The following NLE1 variants were observed in gnomAD, a reference collection of about 807,000 sequenced individuals.
NLE1 encodes the protein notchless homolog 1.
NLE1 carries 37 observed loss-of-function variants against 62.8 expected under a neutral mutation model. That is an observed-to-expected ratio of 0.59 (90% CI 0.45 to 0.78). The LOEUF is 0.78. NLE1 is among the 30% of genes least tolerant of loss of function. The pLI, the probability that NLE1 is intolerant of heterozygous loss-of-function variation, is 0.00. For synonymous variants in NLE1, 243 were observed against 253.0 expected, an observed-to-expected ratio of 0.96 and a Z score of 0.37; for missense variants, 555 against 637.9, an observed-to-expected ratio of 0.87 and a Z score of 1.40.
rs200560049 is a variant in NLE1, at chr17:35,135,309, C to A, written c.1154G>T (p.Arg385Leu). 6.2e-7 allele frequency: 1 copy of A among 1,614,044 alleles called. No individual in the cohort carries two copies. The highest frequency in any genetic ancestry group is 1.1e-5 in the South Asian group (1 of 91,094). The change falls in exon 10 of 13, where the codon CGC becomes CTC. Residue 385 changes from arginine to leucine, a missense_variant. Transcript: ENST00000442241. ...INQVLFSPDS[R>L]IVASASFDKS... ...GTCAAAGGAGGCACTAGCCACGATG[C>A]GGGAGTCAGGAGAGAAGAGCACCTG...
rs551160633 is a variant in NLE1, at chr17:35,142,258, C to A, written c.18G>T (p.Pro6=). ...CCCGCCCCCATCCACGCACACCCACCGGCACTGCTGCCGCCATCCTGCGTC... is the reference window on the plus strand; with the variant it reads ...CCCGCCCCCATCCACGCACACCCACAGGCACTGCTGCCGCCATCCTGCGTC... MAAAV[P]DEAVARDVQR... is the part of the protein sequence containing the mutation. Residue 6 remains proline (P), a splice_region_variant and synonymous_variant, in exon 1 of 13, where the codon CCG becomes CCT. Coordinates refer to ENST00000442241, the MANE Select transcript of NLE1 (RefSeq NM_018096.5). The A allele has an allele frequency of 2.6e-5, 41 of 1,548,000 alleles. 1 individual carries two copies. The South Asian group carries it at 4.4e-4, about 16-fold the overall frequency.
chr17:35,135,519 G>T, intron 9 of NLE1, 68 bp from the exon 10 acceptor site: 1 of 1,422,680 alleles, frequency 7.0e-7, no homozygotes, highest in Non-Finnish European at 9.8e-7. Flanking sequence ...CCCGACTTTG[G>T]CAGCAAGCAT....
rs552977245 is a variant in NLE1, at chr17:35,141,930, G to A, written c.162+49C>T. 6 of 1,524,076 alleles carry A rather than the reference G, an allele frequency of 3.9e-6. No individual in the cohort carries two copies. In the Admixed American group the frequency reaches 5.9e-5, roughly 15 times the overall value. The allele number at this position is 1,524,076 out of a possible 1,614,324, so 94.4% of individuals were successfully genotyped here. On this transcript the variant is annotated intron_variant, in intron 2 of 12. Coordinates refer to ENST00000442241, the MANE Select transcript of NLE1 (RefSeq NM_018096.5). ...CCCTCGGTAATATGATTCCCCCACC[G>A]CATCCGCCCGGGGGTGGAGATGCGA...
At chr17:35,137,681 T>C (rs552252542) in intron 5 of NLE1, 41 bp from the exon 6 acceptor site, 8 of 1,565,698 alleles carry the variant, frequency 5.1e-6, no homozygotes, top group Non-Finnish European at 7.0e-6. Context: ...CCCCAACAGG[T>C]CTCTGGCTCC....
Position 35,137,179 on chromosome 17 carries a change from C to T in NLE1, c.650G>A (p.Arg217His), listed in dbSNP as rs776915676. 1.1e-5 allele frequency: 18 copies of T among 1,608,410 alleles called. No homozygotes were observed. The highest frequency in any genetic ancestry group is 1.1e-4 in the African/African-American group (8 of 74,810). ...WEPLHANPEC[R>H]YVASSSKDGS... ...ATCCTTGGAGCTGCTGGCCACATAG[C>T]GGCACTCAGGGTTCCTGGAGAGAAG... The change falls in exon 7 of 13, where the codon CGC becomes CAC. Residue 217 changes from arginine to histidine, a missense_variant. By Grantham distance (29) the Arg-to-His change is conservative. Transcript: ENST00000442241.
chr17:35,135,786 G>T (rs1179939582), intron 9 of NLE1, among the ~76,000 whole-genome samples: 1 of 152,276 alleles, frequency 6.6e-6, no homozygotes, highest in South Asian at 2.1e-4. Flanking sequence ...ATATAGACAC[G>T]TGTCTGTATA....
rs1366742793 is a variant in NLE1 at position 35,130,385 on chromosome 17, CGGA to C, written c.*2049_*2051del. The C allele has an allele frequency of 1.2e-6, 2 of 1,614,120 alleles. No individual in the cohort carries two copies. Among genetic ancestry groups the C allele is most frequent in the Non-Finnish European group, 1.7e-6 (2 of 1,179,990 alleles). ...CGGCAAAAGATCGTGTCCATCGGGC[CGGA>C]GGAGATGCGGAGGCTGGAGGATCTG... On this transcript the variant is annotated 3_prime_UTR_variant, in exon 13 of 13. Transcript: ENST00000442241.
intron 10 of NLE1, among the ~76,000 whole-genome samples, chr17:35,134,524 G>A (rs542198871): frequency 3.3e-5 from 5 of 151,966 alleles, no homozygotes; most frequent in South Asian, 2.1e-4. Context: ...CTCAGCCTCC[G>A]GGGTAACTGG....
At position 35,137,044 on chromosome 17, in the gene NLE1, G is replaced by A. The variant is rs748890187; in HGVS notation, c.785C>T (p.Ser262Phe). 7 of 1,613,826 alleles carry A rather than the reference G, an allele frequency of 4.3e-6. No individual in the cohort carries two copies. In the Admixed American group the frequency reaches 8.3e-5, roughly 19 times the overall value. ...TTTGATGGTGCGGTCCTGGGAGGCAGAGTAGAGAAGCCCGTCCCCTCCCCA... is the reference window on the plus strand; with the variant it reads ...TTTGATGGTGCGGTCCTGGGAGGCAAAGTAGAGAAGCCCGTCCCCTCCCCA... ...LRWGGDGLLY[S>F]ASQDRTIKVW... Residue 262 changes from serine (S) to phenylalanine (F), a missense_variant, in exon 7 of 13, where the codon TCT becomes TTT. Ser to Phe is a radical substitution (Grantham distance 155, BLOSUM62 -2). Coordinates refer to ENST00000442241, the MANE Select transcript of NLE1 (RefSeq NM_018096.5).
chr17:35,138,141 A>G (rs1351592875), intron 4 of NLE1, among the ~76,000 whole-genome samples: 1 of 152,216 alleles, frequency 6.6e-6, no homozygotes, highest in East Asian at 1.9e-4. Flanking sequence ...GTGTTTTTGT[A>G]CATGTCATCC....
chr17:35,129,521 AAGAAT>A lies in NLE1; in HGVS notation c.*2911_*2915del. ...ACAGGAGAATGAGTTGCCCGAGGCA[AAGAAT>A]CGTCCATGGATCTTCAACAAGATTT... On this transcript the variant is annotated 3_prime_UTR_variant, in exon 13 of 13. Transcript: ENST00000442241. The A allele has an allele frequency of 6.2e-7, 1 of 1,614,208 alleles. No individual in the cohort carries two copies. Among genetic ancestry groups the A allele is most frequent in the Non-Finnish European group, 8.5e-7 (1 of 1,180,030 alleles).
chr17:35,130,588 G>A lies in NLE1; in HGVS notation c.*1849C>T, dbSNP rs1299331720. 1 of 790,384 alleles carries A rather than the reference G, an allele frequency of 1.3e-6. No homozygotes were observed. The highest frequency in any genetic ancestry group is 3.0e-5 in the Admixed American group (1 of 33,486). 49.0% of individuals were successfully genotyped at this position (790,384 alleles called of 1,614,324 possible). Reference sequence around the variant, plus strand: ...ACCCCACCCCTGGGCTGGGGCCAAGGCTACATAGGGGCCCCATTCACCTGG... The same window carrying A: ...ACCCCACCCCTGGGCTGGGGCCAAGACTACATAGGGGCCCCATTCACCTGG... On this transcript the variant is annotated 3_prime_UTR_variant, in exon 13 of 13. Transcript: ENST00000442241.
chr17:35,136,367 C>A lies in NLE1; in HGVS notation c.959G>T (p.Gly320Val), dbSNP rs1338429445. The A allele has an allele frequency of 6.8e-6, 11 of 1,613,148 alleles. No homozygotes were observed. The highest frequency in any genetic ancestry group is 8.5e-6 in the Non-Finnish European group (10 of 1,179,258). Residue 320 changes from glycine (G) to valine (V), a missense_variant, in exon 8 of 13, where the codon GGA (glycine) becomes GTA (valine). Physicochemically the swap from Gly to Val is moderately radical, Grantham distance 109. Transcript: ENST00000442241. ...TCCTTCTCCCAATCACTCACAGGATCCTTGGAGGTCTTGGGGATTAACTGA... is the reference window on the plus strand; with the variant it reads ...TCCTTCTCCCAATCACTCACAGGATACTTGGAGGTCTTGGGGATTAACTGA... Reference protein sequence around the residue: ...EASVNPQDLQGSLQELKERAL... With the variant: ...EASVNPQDLQVSLQELKERAL...
rs138789281 is a variant in NLE1, at chr17:35,135,405, A to G, written c.1058T>C (p.Leu353Ser). The stretch of plus-strand genomic sequence containing the variant: ...GTCCTCTGCTGGGGACCACAGGAAT[A>G]AGGTGAAGTCGTCGGAGCCAGACAC... ...RLVSGSDDFT[L>S]FLWSPAEDKK... The change falls in exon 10 of 13, where the codon TTA (leucine) becomes TCA (serine). Residue 353 changes from leucine (L) to serine (S), a missense_variant. Coordinates refer to ENST00000442241, the MANE Select transcript of NLE1 (RefSeq NM_018096.5). 136 of 1,614,082 alleles carry G rather than the reference A, an allele frequency of 8.4e-5. No homozygotes were observed. Among genetic ancestry groups the G allele is most frequent in the Non-Finnish European group, 8.5e-6 (10 of 1,180,048 alleles).
chr17:35,130,647 C>A lies in NLE1; in HGVS notation c.*1790G>T. 1.8e-6 allele frequency: 1 copy of A among 563,628 alleles called. No individual in the cohort carries two copies. Among genetic ancestry groups the A allele is most frequent in the Non-Finnish European group, 3.1e-6 (1 of 318,700 alleles). 34.9% of individuals were successfully genotyped at this position (563,628 alleles called of 1,614,324 possible). A position where few individuals can be genotyped will look rare whatever the true frequency, so the allele number is the denominator to read the frequency against. ...CAGGCCAGGCCATGCCAGGCTCAGC[C>A]ACTGCCCACAGCTGCTAGACTCCCT... On this transcript the variant is annotated 3_prime_UTR_variant, in exon 13 of 13. Coordinates refer to ENST00000442241, the MANE Select transcript of NLE1 (RefSeq NM_018096.5).
At chr17:35,137,310 C>G in intron 6 of NLE1, 117 bp from the exon 7 acceptor site, 1 of 1,022,458 alleles carries the variant, frequency 9.8e-7, no homozygotes, top group Non-Finnish European at 1.4e-6. Context: ...TTTCTGACAC[C>G]AAGACCCGGC....
intron 10 of NLE1, 67 bp downstream of exon 10, chr17:35,135,182 A>T (rs1039759854): frequency 1.4e-5 from 21 of 1,458,122 alleles, no homozygotes; most frequent in African/African-American, 2.8e-5. Flanking sequence ...TACAGCTAGT[A>T]AGTGGCAGTG....
chr17:35,138,401 G>T (rs1350085531), intron 4 of NLE1, among the ~76,000 whole-genome samples: 1 of 152,142 alleles, frequency 6.6e-6, no homozygotes, highest in East Asian at 1.9e-4. Context: ...CTAAACCTCT[G>T]GGGGTGGGGC....
Position 35,130,025 on chromosome 17 carries a change from G to A in NLE1, c.*2412C>T. The A allele has an allele frequency of 1.4e-6, 2 of 1,391,148 alleles. No individual in the cohort carries two copies. Among genetic ancestry groups the A allele is most frequent in the Non-Finnish European group, 1.9e-6 (2 of 1,075,382 alleles). 86.2% of individuals were successfully genotyped at this position (1,391,148 alleles called of 1,614,324 possible). ...CTAAAGGGGGACGAAGAAGGGAACA[G>A]CCTGGGTATGGGGTAGGGGTATGGG... On this transcript the variant is annotated 3_prime_UTR_variant, in exon 13 of 13. Coordinates refer to ENST00000442241, the MANE Select transcript of NLE1 (RefSeq NM_018096.5).
Sources: allele counts gnomAD v4.1 joint callset (sites outside exome capture counted in the v4.1 genomes callset), GRCh38; gene constraint gnomAD v4.1.1; transcripts MANE v1.5; gene names NCBI Gene and HGNC (gene_info 2026-07-23, HGNC 2026-07-21).